RAD51B: variants seen among roughly 807,000 people sequenced by gnomAD.
The protein encoded by RAD51B is DNA repair protein RAD51 homolog 2.
In RAD51B, 38 loss-of-function variants were observed where a neutral mutation model predicts 42.2. That is an observed-to-expected ratio of 0.90 (90% CI 0.70 to 1.18). RAD51B has a LOEUF of 1.18. RAD51B is among the 50% of genes most tolerant of loss of function. The probability of loss-of-function intolerance (pLI) is 0.00; values close to 1 mark genes in which losing one functional copy is unlikely to be tolerated. For synonymous variants in RAD51B, 154 were observed against 145.2 expected (o/e 1.06, Z -0.43); for missense variants, 373 against 400.7 (o/e 0.93, Z 0.59).
intron 7 of RAD51B, among the ~76,000 whole-genome samples, chr14:68,053,000 T>G (rs1173130350): frequency 6.6e-6 from 1 of 152,188 alleles, no homozygotes; most frequent in Non-Finnish European, 1.5e-5. Flanking sequence ...TATCACCCAT[T>G]AGTTTTACAG....
At chr14:68,004,370 A>AT (rs964491126) in intron 7 of RAD51B, among the ~76,000 whole-genome samples, 1 of 146,804 alleles carries the variant, frequency 6.8e-6, no homozygotes, top group Non-Finnish European at 1.5e-5. Flanking sequence ...ATATTGGTGG[A>AT]TTTTTTTGTT....
intron 7 of RAD51B, among the ~76,000 whole-genome samples, chr14:67,977,518 G>A (rs941916784): frequency 6.6e-6 from 1 of 152,212 alleles, no homozygotes; most frequent in Non-Finnish European, 1.5e-5. Context: ...TAAGTAGCAA[G>A]CAATTCAAGG....
At chr14:68,480,432 C>T (rs1035346670), downstream of RAD51B, among the ~76,000 whole-genome samples, 1 of 152,092 alleles carries the variant, frequency 6.6e-6, no homozygotes, top group African/African-American at 2.4e-5. Context: ...TGCGTTCATG[C>T]AAGATATTAC....
At chr14:68,632,288 G>A (rs992524457) in intron 10 of RAD51B, among the ~76,000 whole-genome samples, 2 of 152,150 alleles carry the variant, frequency 1.3e-5, no homozygotes, top group African/African-American at 4.8e-5. Flanking sequence ...TCCTTCAGCT[G>A]TGGGGTGCTC....
At chr14:68,324,496 G>A (rs1431119653) in intron 8 of RAD51B, among the ~76,000 whole-genome samples, 3 of 152,188 alleles carry the variant, frequency 2.0e-5, no homozygotes, top group Non-Finnish European at 4.4e-5. Flanking sequence ...TCAAGAACCA[G>A]GACTGGCCGG....
At chr14:68,379,171 G>A (rs2083431043) in intron 8 of RAD51B, among the ~76,000 whole-genome samples, 1 of 152,138 alleles carries the variant, frequency 6.6e-6, no homozygotes, top group African/African-American at 2.4e-5. Context: ...TACTAAAATA[G>A]CTAGCTACTC....
chr14:67,916,937 T>TCCTC (rs2044170472), intron 7 of RAD51B, among the ~76,000 whole-genome samples: 1 of 152,150 alleles, frequency 6.6e-6, no homozygotes, highest in East Asian at 1.9e-4. Context: ...AAATAATAAT[T>TCCTC]GCTGTAAGCA....
chr14:68,361,711 T>C (rs556494759), intron 8 of RAD51B, among the ~76,000 whole-genome samples: 47 of 152,196 alleles, frequency 3.1e-4, no homozygotes, highest in Non-Finnish European at 5.0e-4. Context: ...GGTCTCACTC[T>C]GTCACCCAGG....
intron 9 of RAD51B, among the ~76,000 whole-genome samples, chr14:68,455,540 A>G (rs1384427215): frequency 6.6e-6 from 1 of 151,812 alleles, no homozygotes; most frequent in Non-Finnish European, 1.5e-5. Flanking sequence ...ACATGGTGAG[A>G]CCCCATCTCT....
At chr14:68,288,184 C>T (rs957505578) in intron 7 of RAD51B, among the ~76,000 whole-genome samples, 2 of 152,178 alleles carry the variant, frequency 1.3e-5, no homozygotes, top group African/African-American at 2.4e-5. Flanking sequence ...GTTTTCAAGT[C>T]TCTTGATTGC....
At chr14:68,263,998 G>A (rs527589564) in intron 7 of RAD51B, among the ~76,000 whole-genome samples, 110 of 152,248 alleles carry the variant, frequency 7.2e-4, no homozygotes, top group Non-Finnish European at 1.1e-3. Flanking sequence ...TTCTGGGAAC[G>A]GCCAAGGCCC....
chr14:68,255,913 T>C (rs1251477805), intron 7 of RAD51B, among the ~76,000 whole-genome samples: 1 of 152,112 alleles, frequency 6.6e-6, no homozygotes, highest in African/African-American at 2.4e-5. Flanking sequence ...TTTACATGAG[T>C]GCTATAGTTT....
intron 10 of RAD51B, among the ~76,000 whole-genome samples, chr14:68,488,464 C>A (rs930695726): frequency 6.6e-6 from 1 of 152,110 alleles, no homozygotes; most frequent in Non-Finnish European, 1.5e-5. Flanking sequence ...TTGCTTAGTC[C>A]AGTTTTAGCA....
At chr14:68,444,443 TGTGTGTG>T (rs1566888349) in intron 9 of RAD51B, among the ~76,000 whole-genome samples, 585 of 26,852 alleles carry the variant, frequency 0.022, 1 homozygote, top group Middle Eastern at 0.086. Context: ...TTGTGAATTG[TGTGTGTG>T]TGTGTGTGTG....
At chr14:68,385,975 T>C (rs982586820) in intron 8 of RAD51B, among the ~76,000 whole-genome samples, 15 of 152,186 alleles carry the variant, frequency 9.9e-5, no homozygotes, top group African/African-American at 2.4e-4. Flanking sequence ...AGCCCAGAGA[T>C]TGGCTCCCGA....
At chr14:68,596,535 G>A (rs1007222988), downstream of RAD51B, among the ~76,000 whole-genome samples, 1 of 152,190 alleles carries the variant, frequency 6.6e-6, no homozygotes. Context: ...AAGGGACTAA[G>A]ACAATTCAGC....
intron 7 of RAD51B, among the ~76,000 whole-genome samples, chr14:68,289,982 GT>G (rs2081483959): frequency 6.6e-6 from 1 of 152,166 alleles, no homozygotes; most frequent in Non-Finnish European, 1.5e-5. Context: ...TTAAAAGATT[GT>G]CTTTGCTACT....
Position 67,885,965 on chromosome 14 carries a change from C to T in RAD51B, c.549C>T (p.Leu183=). ...TSSKVHLYRE[L]TCDEVLQRIE... is the part of the protein sequence containing the mutation. ...GTAAAGTTCATCTTTATCGGGAACT[C>T]ACCTGTGATGAAGTTCTACAAAGGT... Residue 183 remains leucine, a synonymous_variant, in exon 6 of 11, where the codon CTC becomes CTT. Transcript: ENST00000471583. The T allele has an allele frequency of 6.2e-7, 1 of 1,602,584 alleles. No homozygotes were observed. The highest frequency in any genetic ancestry group is 1.1e-5 in the South Asian group (1 of 90,130).
At chr14:67,947,191 A>G (rs2045425362) in intron 7 of RAD51B, among the ~76,000 whole-genome samples, 1 of 152,200 alleles carries the variant, frequency 6.6e-6, no homozygotes, top group Admixed American at 6.5e-5. Context: ...TTATATCCCC[A>G]TGACTTAATG....
Sources: gnomAD v4.1 joint callset for allele counts (sites outside exome capture counted in the v4.1 genomes callset) on GRCh38, gnomAD v4.1.1 for gene constraint, MANE v1.5 for transcripts, NCBI Gene and HGNC (gene_info 2026-07-23, HGNC 2026-07-21) for gene names.